The following PRKG1 variants were observed in gnomAD, a reference collection of about 807,000 sequenced individuals.
The protein encoded by PRKG1 is cGMP-dependent protein kinase 1.
Under a neutral mutation model 88.1 loss-of-function variants are expected in PRKG1, and 35 were observed. The observed-to-expected ratio is 0.40, with a 90% CI of 0.30 to 0.53. The LOEUF is 0.53. Ranked by LOEUF, PRKG1 falls within the 20% of genes least tolerant of loss-of-function variation. PRKG1 has a pLI of 0.59. For synonymous variants in PRKG1, 303 were observed against 292.5 expected, an observed-to-expected ratio of 1.04 and a Z score of -0.37; for missense variants, 540 against 839.8, an observed-to-expected ratio of 0.64 and a Z score of 4.41.
Position 51,641,077 on chromosome 10 carries a change from C to T in PRKG1, c.593-163508C>T, listed in dbSNP as rs146458925. Among the ~76,000 whole-genome samples, 24 of 151,838 alleles carry T rather than the reference C, an allele frequency of 1.6e-4. No homozygotes were observed. In the East Asian group the frequency reaches 4.5e-3, roughly 28 times the overall value. On this transcript the variant is annotated intron_variant, in intron 3 of 17. Coordinates refer to ENST00000373980, the MANE Select transcript of PRKG1 (RefSeq NM_006258.4). ...AATAAGATAAAAAAAATCAGATAAT[C>T]AGAAAAAAGCCCTTTATAATACTGC... is the stretch of plus-strand genomic sequence containing the variant.
At chr10:51,239,192 C>A (rs1839084719) in intron 2 of PRKG1, among the ~76,000 whole-genome samples, 1 of 152,020 alleles carries the variant, frequency 6.6e-6, no homozygotes, top group African/African-American at 2.4e-5. Flanking sequence ...TCTAACCTTG[C>A]AAAAAGAAAC....
rs73339957 is a variant in PRKG1, at chr10:51,540,485, A to G, written c.592+72649A>G. On this transcript the variant is annotated intron_variant, in intron 3 of 17. Transcript: ENST00000373980. ...GACATCGTATCTTTAGGTATGATCTAAAGATACCTAATTGCTTATTTGTTT... is the reference window on the plus strand; with the variant it reads ...GACATCGTATCTTTAGGTATGATCTGAAGATACCTAATTGCTTATTTGTTT... Among the ~76,000 whole-genome samples the G allele has an allele frequency of 2.7e-3, 408 of 152,266 alleles. 3 individuals are homozygous for G. The highest frequency in any genetic ancestry group is 9.2e-3 in the African/African-American group (384 of 41,550).
chr10:51,098,998 T>A (rs1436032696), intron 1 of PRKG1, among the ~76,000 whole-genome samples: 2 of 152,190 alleles, frequency 1.3e-5, no homozygotes, highest in Non-Finnish European at 2.9e-5. Context: ...CTCAGAGAGT[T>A]GTAATTTTTC....
chr10:52,213,823 A>G (rs536715169), intron 9 of PRKG1, among the ~76,000 whole-genome samples: 7 of 152,324 alleles, frequency 4.6e-5, no homozygotes, highest in African/African-American at 1.2e-4. Context: ...TTCTACCTCT[A>G]TGTAAATGTA....
intron 1 of PRKG1, among the ~76,000 whole-genome samples, chr10:51,146,483 C>T (rs376796456): frequency 2.6e-5 from 4 of 151,816 alleles, no homozygotes; most frequent in Admixed American, 6.6e-5. Flanking sequence ...ATTTGTCCTT[C>T]GCTTGAAGCT....
intron 3 of PRKG1, among the ~76,000 whole-genome samples, chr10:51,533,035 C>T (rs889084963): frequency 1.8e-4 from 28 of 152,090 alleles, no homozygotes; most frequent in African/African-American, 6.5e-4. Flanking sequence ...CTGACAGTTC[C>T]GAGAAAATAT....
chr10:51,046,060 G>T (rs1242485868), intron 1 of PRKG1, among the ~76,000 whole-genome samples: 1 of 152,106 alleles, frequency 6.6e-6, no homozygotes, highest in Non-Finnish European at 1.5e-5. Flanking sequence ...TAGCGCCAGG[G>T]TCTACACCCA....
intron 2 of PRKG1, among the ~76,000 whole-genome samples, chr10:51,330,542 G>A (rs145661041): frequency 2.3e-4 from 35 of 152,244 alleles, no homozygotes; most frequent in East Asian, 1.4e-3. Context: ...TCATCTGACT[G>A]TATATTTCCA....
At position 51,645,253 on chromosome 10, in the gene PRKG1, C is replaced by G. The variant is rs191284583; in HGVS notation, c.593-159332C>G. On this transcript the variant is annotated intron_variant, in intron 3 of 17. Coordinates refer to ENST00000373980, the MANE Select transcript of PRKG1 (RefSeq NM_006258.4). ...GTACATTTTTTACTTGTAAGACTTG[C>G]TTGACCCAGGAGAGATATAAAGCAG... is the stretch of plus-strand genomic sequence containing the variant. 6.4e-4 allele frequency among the ~76,000 whole-genome samples: 97 copies of G among 152,266 alleles called. 1 individual carries two copies. Among genetic ancestry groups the G allele is most frequent in the Non-Finnish European group, 9.9e-4 (67 of 68,014 alleles).
chr10:52,148,059 A>G (rs964772582), intron 8 of PRKG1, among the ~76,000 whole-genome samples: 2 of 152,216 alleles, frequency 1.3e-5, no homozygotes, highest in Non-Finnish European at 2.9e-5. Flanking sequence ...GAAAACTTAA[A>G]TCAGTGTACT....
intron 3 of PRKG1, among the ~76,000 whole-genome samples, chr10:51,660,392 G>T (rs772851798): frequency 1.3e-5 from 2 of 151,772 alleles, no homozygotes; most frequent in Admixed American, 6.6e-5. Context: ...GAATGTGAAA[G>T]GATTGAGAAG....
At chr10:51,421,937 T>C (rs1838427485) in intron 2 of PRKG1, among the ~76,000 whole-genome samples, 1 of 152,220 alleles carries the variant, frequency 6.6e-6, no homozygotes, top group South Asian at 2.1e-4. Context: ...ATTTGTAAAA[T>C]CATACAATTT....
intron 3 of PRKG1, among the ~76,000 whole-genome samples, chr10:51,564,296 T>C (rs1837545697): frequency 1.3e-5 from 2 of 152,014 alleles, no homozygotes; most frequent in South Asian, 4.2e-4. Context: ...ATAAAATATA[T>C]AAGGAGATTG....
intron 11 of PRKG1, 138 bp downstream of exon 11, chr10:52,271,627 TTTTG>T (rs1841733261): frequency 2.2e-6 from 2 of 917,748 alleles, no homozygotes; most frequent in Non-Finnish European, 3.0e-6. Context: ...CTTAAGAAAG[TTTTG>T]TTTGATTTCT....
At chr10:51,871,923 A>G (rs918096829) in intron 4 of PRKG1, among the ~76,000 whole-genome samples, 3 of 152,158 alleles carry the variant, frequency 2.0e-5, no homozygotes, top group African/African-American at 7.2e-5. Context: ...AGCAAATACA[A>G]AATATCACAA....
chr10:51,125,736 G>A (rs1464154158), intron 1 of PRKG1, among the ~76,000 whole-genome samples: 2 of 143,700 alleles, frequency 1.4e-5, no homozygotes, highest in Non-Finnish European at 1.5e-5. Flanking sequence ...TAAATTATGT[G>A]TTTTTAAATA....
At chr10:51,186,970 A>G (rs1472215649) in intron 2 of PRKG1, among the ~76,000 whole-genome samples, 1 of 145,744 alleles carries the variant, frequency 6.9e-6, no homozygotes, top group South Asian at 2.1e-4. Flanking sequence ...ATATATATAT[A>G]TATATATATA....
chr10:51,793,138 C>CA (rs775904836), intron 3 of PRKG1, among the ~76,000 whole-genome samples: 8,726 of 69,594 alleles, frequency 0.13, 774 homozygotes, highest in East Asian at 0.15. Context: ...CAGCACACTG[C>CA]AAAAAAAAAA....
intron 10 of PRKG1, among the ~76,000 whole-genome samples, chr10:52,268,525 T>A (rs1020135692): frequency 1.3e-5 from 2 of 152,054 alleles, no homozygotes; most frequent in African/African-American, 4.8e-5. Flanking sequence ...ATGCCTAGCA[T>A]AAGTTAAGCT....
Sources: gnomAD v4.1 joint callset for allele counts (sites outside exome capture counted in the v4.1 genomes callset) on GRCh38, gnomAD v4.1.1 for gene constraint, MANE v1.5 for transcripts, NCBI Gene and HGNC (gene_info 2026-07-23, HGNC 2026-07-21) for gene names.